MAST4: variants seen among roughly 807,000 people sequenced by gnomAD.
MAST4 encodes microtubule-associated serine/threonine-protein kinase 4.
In MAST4, 89 loss-of-function variants were observed where a neutral mutation model predicts 162.7. That is an observed-to-expected ratio of 0.55 (90% CI 0.46 to 0.65). MAST4 has a LOEUF of 0.65. MAST4 is among the 30% of genes least tolerant of loss of function. The pLI, the probability that MAST4 is intolerant of heterozygous loss-of-function variation, is 0.00. For synonymous variants in MAST4, 1,479 were observed against 1,361.1 expected (o/e 1.09, Z -1.91); for missense variants, 3,153 against 3,374.0 (o/e 0.93, Z 1.62).
chr5:66,990,957 A>G (rs1581125860), intron 4 of MAST4, among the ~76,000 whole-genome samples: 1 of 152,188 alleles, frequency 6.6e-6, no homozygotes. Flanking sequence ...AAATAGGTTC[A>G]GAATTATTTG....
At chr5:66,612,759 A>G (rs1158665797) in intron 1 of MAST4, among the ~76,000 whole-genome samples, 1 of 152,318 alleles carries the variant, frequency 6.6e-6, no homozygotes, top group East Asian at 1.9e-4. Flanking sequence ...GATTTTAAGC[A>G]TTGGAAAGAA....
At chr5:67,096,816 A>G (rs957553649) in intron 7 of MAST4, among the ~76,000 whole-genome samples, 2 of 152,204 alleles carry the variant, frequency 1.3e-5, no homozygotes, top group African/African-American at 4.8e-5. Context: ...TTGTTGTGAT[A>G]TATGAGTCTA....
At chr5:66,943,090 A>G (rs1211881975) in intron 4 of MAST4, among the ~76,000 whole-genome samples, 1 of 152,040 alleles carries the variant, frequency 6.6e-6, no homozygotes, top group Non-Finnish European at 1.5e-5. Flanking sequence ...CCCCTTCCAA[A>G]TACCATCATA....
chr5:66,603,461 A>G (rs1334511402), intron 1 of MAST4, among the ~76,000 whole-genome samples: 1 of 152,194 alleles, frequency 6.6e-6, no homozygotes, highest in Non-Finnish European at 1.5e-5. Flanking sequence ...GCTTCCTAGA[A>G]TAATGATTTG....
intron 3 of MAST4, among the ~76,000 whole-genome samples, chr5:66,841,410 A>T (rs1318252585): frequency 6.6e-6 from 1 of 152,154 alleles, no homozygotes; most frequent in Non-Finnish European, 1.5e-5. Context: ...TAACTGTCTT[A>T]GTCAGTTCTG....
At chr5:67,056,796 A>G (rs914593943) in intron 5 of MAST4, among the ~76,000 whole-genome samples, 6 of 152,182 alleles carry the variant, frequency 3.9e-5, no homozygotes, top group African/African-American at 9.7e-5. Context: ...TCCTGGGTTC[A>G]AGAGATTCTC....
At chr5:66,781,340 C>T (rs2149660856) in intron 2 of MAST4, among the ~76,000 whole-genome samples, 1 of 152,296 alleles carries the variant, frequency 6.6e-6, no homozygotes, top group Non-Finnish European at 1.5e-5. Flanking sequence ...GTAGAGATGT[C>T]TAGGCAAAGA....
chr5:67,149,774 G>A (rs1447548723), intron 24 of MAST4, among the ~76,000 whole-genome samples, 185 bp downstream of exon 24: 9 of 152,322 alleles, frequency 5.9e-5, no homozygotes, highest in Admixed American at 3.3e-4. Context: ...TTGTAGGGCC[G>A]CCAAGGAGCA....
At chr5:67,147,315 T>C (rs577623728) in intron 23 of MAST4, among the ~76,000 whole-genome samples, 4 of 152,192 alleles carry the variant, frequency 2.6e-5, no homozygotes, top group Non-Finnish European at 5.9e-5. Context: ...TTGTTGATTT[T>C]TATATTGCTC....
At chr5:67,079,592 T>C (rs532447117) in intron 5 of MAST4, among the ~76,000 whole-genome samples, 1 of 152,320 alleles carries the variant, frequency 6.6e-6, no homozygotes, top group East Asian at 1.9e-4. Context: ...AGAGGTTTTT[T>C]GGCTTTATCG....
intron 4 of MAST4, among the ~76,000 whole-genome samples, chr5:66,914,456 C>A (rs1481381502): frequency 1.3e-5 from 2 of 152,074 alleles, no homozygotes; most frequent in African/African-American, 4.8e-5. Context: ...GGGAGTAGCT[C>A]AAGTAATGAT....
At chr5:67,088,101 A>C (rs1471698833) in intron 5 of MAST4, among the ~76,000 whole-genome samples, 1 of 152,208 alleles carries the variant, frequency 6.6e-6, no homozygotes, top group African/African-American at 2.4e-5. Context: ...CATGGGGACC[A>C]TTCACTAATA....
At chr5:66,767,483 A>C (rs947905705) in intron 2 of MAST4, among the ~76,000 whole-genome samples, 1 of 152,138 alleles carries the variant, frequency 6.6e-6, no homozygotes, top group African/African-American at 2.4e-5. Flanking sequence ...TATTGGCTGC[A>C]TGTGAGAGAG....
chr5:66,731,825 A>C (rs1377676899), intron 1 of MAST4, among the ~76,000 whole-genome samples: 1 of 151,962 alleles, frequency 6.6e-6, no homozygotes, highest in Non-Finnish European at 1.5e-5. Context: ...TCCCAGAGGC[A>C]ACCTGAATTC....
chr5:66,788,293 A>G (rs1435843508), intron 2 of MAST4, among the ~76,000 whole-genome samples: 1 of 152,172 alleles, frequency 6.6e-6, no homozygotes, highest in Non-Finnish European at 1.5e-5. Flanking sequence ...ATCACTTTCC[A>G]TATTAGATTT....
intron 5 of MAST4, among the ~76,000 whole-genome samples, chr5:67,066,936 T>A (rs1417071855): frequency 2.0e-5 from 3 of 151,636 alleles, no homozygotes; most frequent in Non-Finnish European, 4.4e-5. Context: ...TTTACACATA[T>A]CTAAGTACCT....
chr5:66,861,158 T>G (rs1485627220), intron 3 of MAST4, among the ~76,000 whole-genome samples: 2 of 152,248 alleles, frequency 1.3e-5, no homozygotes, highest in East Asian at 3.8e-4. Context: ...GAGGTATCAG[T>G]GGTCCCACAA....
intron 3 of MAST4, among the ~76,000 whole-genome samples, chr5:66,791,429 G>C (rs1755402454): frequency 6.6e-6 from 1 of 152,144 alleles, no homozygotes; most frequent in Non-Finnish European, 1.5e-5. Flanking sequence ...TAAGATATTT[G>C]GGAAGAGGTT....
intron 4 of MAST4, among the ~76,000 whole-genome samples, chr5:67,037,133 G>A (rs558980385): frequency 5.1e-4 from 77 of 152,246 alleles, no homozygotes; most frequent in African/African-American, 1.7e-3. Flanking sequence ...AGTGGCTTAA[G>A]CTTGTAATCC....
Sources: allele counts gnomAD v4.1 joint callset (sites outside exome capture counted in the v4.1 genomes callset), GRCh38; gene constraint gnomAD v4.1.1; transcripts MANE v1.5; gene names NCBI Gene and HGNC (gene_info 2026-07-23, HGNC 2026-07-21).